Variants in MCF2L2 observed in about 807,000 individuals in gnomAD.
MCF2L2 encodes the protein MCF.2 cell line derived transforming sequence-like 2, also known as probable guanine nucleotide exchange factor MCF2L2.
Under a neutral mutation model 150.2 loss-of-function variants are expected in MCF2L2, and 102 were observed. The ratio of observed to expected loss-of-function variants is 0.68; its 90% confidence interval spans 0.58 to 0.80. MCF2L2 has a LOEUF of 0.80. Ranked by LOEUF, MCF2L2 falls within the 30% of genes least tolerant of loss-of-function variation. The probability of loss-of-function intolerance (pLI) is 0.00; values close to 1 mark genes in which losing one functional copy is unlikely to be tolerated. For missense variants in MCF2L2, 1,256 were observed against 1,372.8 expected (o/e 0.91, Z 1.34); for synonymous variants, 465 against 491.3 (o/e 0.95, Z 0.71).
chr3:183,245,661 G>A (rs1035332265), intron 15 of MCF2L2, among the ~76,000 whole-genome samples: 1 of 152,074 alleles, frequency 6.6e-6, no homozygotes, highest in Non-Finnish European at 1.5e-5. Flanking sequence ...ATGTTCTTAA[G>A]TTTTACATCC....
At chr3:183,228,481 G>T (rs1009594100) in intron 17 of MCF2L2, 115 bp from the exon 18 acceptor site, 5 of 640,438 alleles carry the variant, frequency 7.8e-6, no homozygotes, top group South Asian at 4.0e-5. Flanking sequence ...TGTTCTCCAG[G>T]CCTTCTTGCT....
At chr3:183,244,870 TG>T (rs1418497352) in intron 15 of MCF2L2, among the ~76,000 whole-genome samples, 3 of 151,978 alleles carry the variant, frequency 2.0e-5, no homozygotes, top group African/African-American at 7.3e-5. Flanking sequence ...GGCCTATGTT[TG>T]GGGTGCATCT....
chr3:183,232,551 A>G (rs1723608500), intron 15 of MCF2L2, among the ~76,000 whole-genome samples: 1 of 152,210 alleles, frequency 6.6e-6, no homozygotes, highest in African/African-American at 2.4e-5. Context: ...GTCCTTGTGT[A>G]GAATATATAT....
At chr3:183,343,702 G>A (rs944615911) in intron 3 of MCF2L2, among the ~76,000 whole-genome samples, 2 of 152,238 alleles carry the variant, frequency 1.3e-5, no homozygotes. Flanking sequence ...AGAAGAAATA[G>A]AGAGTTATGT....
intron 3 of MCF2L2, among the ~76,000 whole-genome samples, chr3:183,357,199 T>C (rs1345998849): frequency 6.6e-6 from 1 of 152,076 alleles, no homozygotes; most frequent in Non-Finnish European, 1.5e-5. Context: ...AAAGAACAAA[T>C]AGGGCCACAC....
Position 183,217,299 on chromosome 3 carries a change from A to G in MCF2L2, c.2371-1205T>C, listed in dbSNP as rs1452546422. ...ACAAGAGTGAAACCCCGTCTCAAAA[A>G]AAAAAAAAAAAAAAAAAAAAAAAGT... On this transcript the variant is annotated intron_variant, in intron 21 of 29. Coordinates refer to ENST00000328913, the MANE Select transcript of MCF2L2 (RefSeq NM_015078.4). Among the ~76,000 whole-genome samples the G allele has an allele frequency of 1.1e-3, 153 of 142,712 alleles. 2 individuals carry two copies. The East Asian group carries it at 0.025, about 24-fold the overall frequency. The allele number at this position is 142,712 out of a possible 152,430, so 93.6% of individuals were successfully genotyped here.
intron 5 of MCF2L2, among the ~76,000 whole-genome samples, chr3:183,326,492 CA>C (rs890481068): frequency 0.026 from 1,035 of 39,452 alleles, 7 homozygotes; most frequent in African/African-American, 0.081. Flanking sequence ...AACTCCGTCT[CA>C]AAAAAAAAAA....
chr3:183,405,665 A>C (rs1052923479), intron 1 of MCF2L2, among the ~76,000 whole-genome samples: 2 of 152,196 alleles, frequency 1.3e-5, no homozygotes, highest in Non-Finnish European at 2.9e-5. Flanking sequence ...CACTGGACAG[A>C]TGTACCTCAG....
Position 183,297,186 on chromosome 3 carries a change from G to T in MCF2L2, c.1306-19C>A. ...GGCTGACCTTTTGGAAAGAAACAGT[G>T]CCCTGTGCACTTCGCCTGACCACAA... On this transcript the variant is annotated intron_variant, in intron 11 of 29. Transcript: ENST00000328913. 1 of 1,610,118 alleles carries T rather than the reference G, an allele frequency of 6.2e-7. No homozygotes were observed. Among genetic ancestry groups the T allele is most frequent in the Non-Finnish European group, 8.5e-7 (1 of 1,177,460 alleles).
chr3:183,277,752 C>A (rs1727242799), intron 14 of MCF2L2, among the ~76,000 whole-genome samples: 1 of 147,446 alleles, frequency 6.8e-6, no homozygotes, highest in Non-Finnish European at 1.5e-5. Flanking sequence ...ATCCACTGAC[C>A]TCAGCCTCCT....
chr3:183,184,296 C>T (rs966012848), intron 27 of MCF2L2, among the ~76,000 whole-genome samples: 2 of 152,200 alleles, frequency 1.3e-5, no homozygotes, highest in African/African-American at 2.4e-5. Flanking sequence ...AGATTACAGG[C>T]GTGAGCCACC....
intron 15 of MCF2L2, among the ~76,000 whole-genome samples, chr3:183,246,981 C>A (rs1435246553): frequency 2.6e-5 from 4 of 152,170 alleles, no homozygotes. Flanking sequence ...TCCTCTAGGG[C>A]AGATGTCCTG....
intron 10 of MCF2L2, among the ~76,000 whole-genome samples, chr3:183,306,578 G>A (rs1037510924): frequency 6.6e-6 from 1 of 152,192 alleles, no homozygotes; most frequent in African/African-American, 2.4e-5. Flanking sequence ...ACTCTATCCG[G>A]GAATCTAGAA....
intron 2 of MCF2L2, among the ~76,000 whole-genome samples, chr3:183,380,521 C>A (rs1021820414): frequency 2.6e-5 from 4 of 152,182 alleles, no homozygotes; most frequent in African/African-American, 7.2e-5. Flanking sequence ...CCTGCCTCAG[C>A]CTCGTGAGTA....
At chr3:183,214,051 G>C (rs1226218168) in intron 22 of MCF2L2, among the ~76,000 whole-genome samples, 1 of 152,152 alleles carries the variant, frequency 6.6e-6, no homozygotes, top group Non-Finnish European at 1.5e-5. Flanking sequence ...AATGAAATTA[G>C]GGCAGAATGT....
At chr3:183,350,514 G>C (rs566054039) in intron 3 of MCF2L2, among the ~76,000 whole-genome samples, 34 of 152,272 alleles carry the variant, frequency 2.2e-4, no homozygotes, top group African/African-American at 6.7e-4. Context: ...GCTCTATGAG[G>C]TTGGTGATAA....
chr3:183,334,421 T>C (rs1317638305), intron 5 of MCF2L2, among the ~76,000 whole-genome samples: 1 of 152,040 alleles, frequency 6.6e-6, no homozygotes, highest in Non-Finnish European at 1.5e-5. Flanking sequence ...ACATCACCAA[T>C]AGGGGACAGA....
chr3:183,337,552 C>CAAAAAAAAAAAAAAA (rs61184812), intron 5 of MCF2L2, among the ~76,000 whole-genome samples: 3 of 71,980 alleles, frequency 4.2e-5, no homozygotes, highest in African/African-American at 9.0e-5. Flanking sequence ...GACTCCATCT[C>CAAAAAAAAAAAAAAA]AAAAAAAAAA....
At chr3:183,300,829 C>T (rs1728805589) in intron 10 of MCF2L2, among the ~76,000 whole-genome samples, 1 of 151,738 alleles carries the variant, frequency 6.6e-6, no homozygotes, top group East Asian at 1.9e-4. Context: ...CGCGCCTGAC[C>T]AACGTGGAAA....
Sources: gnomAD v4.1 joint callset for allele counts (sites outside exome capture counted in the v4.1 genomes callset) on GRCh38, gnomAD v4.1.1 for gene constraint, MANE v1.5 for transcripts, NCBI Gene and HGNC (gene_info 2026-07-23, HGNC 2026-07-21) for gene names.